PRKN: variants seen among roughly 807,000 people sequenced by gnomAD.
PRKN encodes parkin RBR E3 ubiquitin protein ligase, also known as E3 ubiquitin-protein ligase parkin.
In PRKN, 56 loss-of-function variants were observed where a neutral mutation model predicts 59.5. That is an observed-to-expected ratio of 0.94 (90% confidence interval 0.76 to 1.18). The LOEUF is 1.18. Among genes scored for constraint, PRKN ranks in the 50% most tolerant of loss-of-function variants. The pLI, the probability that PRKN is intolerant of heterozygous loss-of-function variation, is 0.00. For missense variants in PRKN, 657 were observed against 596.4 expected, an observed-to-expected ratio of 1.10 and a Z score of -1.06; for synonymous variants, 250 against 222.1, an observed-to-expected ratio of 1.13 and a Z score of -1.12.
rs1374513225 is a variant in PRKN, at chr6:162,521,707, A to G, written c.8-78234T>C. Among the ~76,000 whole-genome samples the G allele has an allele frequency of 2.6e-5, 4 of 152,076 alleles. No individual in the cohort carries two copies. In the East Asian group the frequency reaches 7.7e-4, roughly 29 times the overall value. ...CGTACATATATATAATGTATGTATT[A>G]TATGTATTTATAGTGTATATTTATA... On this transcript the variant is annotated intron_variant, in intron 1 of 11. Transcript: ENST00000366898.
intron 1 of PRKN, among the ~76,000 whole-genome samples, chr6:162,645,290 C>A (rs763641251): frequency 2.0e-4 from 30 of 152,046 alleles, no homozygotes; most frequent in Non-Finnish European, 3.4e-4. Context: ...ACTATTGCAG[C>A]CTCATTCATG....
intron 7 of PRKN, among the ~76,000 whole-genome samples, chr6:161,649,081 A>T (rs1784060415): frequency 1.3e-5 from 2 of 152,210 alleles, no homozygotes. Context: ...GTATCCTCAC[A>T]AAGCATTGCT....
intron 1 of PRKN, among the ~76,000 whole-genome samples, chr6:162,601,421 C>A (rs893248827): frequency 2.0e-5 from 3 of 151,802 alleles, no homozygotes; most frequent in African/African-American, 7.2e-5. Context: ...TTCTCTTACT[C>A]CGCATGATGA....
chr6:162,371,387 TTC>T (rs1277784310), intron 2 of PRKN, among the ~76,000 whole-genome samples: 1 of 152,152 alleles, frequency 6.6e-6, no homozygotes, highest in African/African-American at 2.4e-5. Flanking sequence ...GCTTTGCGAG[TTC>T]TGACTGCCAA....
Position 162,426,026 on chromosome 6 carries a change from G to A in PRKN, c.171+17284C>T, listed in dbSNP as rs536639432. Among the ~76,000 whole-genome samples, 20 of 152,286 alleles carry A rather than the reference G, an allele frequency of 1.3e-4. No homozygotes were observed. The South Asian group carries it at 4.1e-3, about 32-fold the overall frequency. ...AAGTAGACTCATAGCATACTTACCA[G>A]TAGCAAAGATAAAAGCTATACGCTA... On this transcript the variant is annotated intron_variant, in intron 2 of 11. Coordinates refer to ENST00000366898, the MANE Select transcript of PRKN (RefSeq NM_004562.3).
At chr6:162,372,210 G>C (rs1056275382) in intron 2 of PRKN, among the ~76,000 whole-genome samples, 3 of 152,224 alleles carry the variant, frequency 2.0e-5, no homozygotes, top group African/African-American at 7.2e-5. Context: ...TGCAGCCAGG[G>C]AACATCTTTG....
chr6:161,517,588 A>C (rs1458169986), intron 9 of PRKN, among the ~76,000 whole-genome samples: 1 of 151,848 alleles, frequency 6.6e-6, no homozygotes, highest in Non-Finnish European at 1.5e-5. Context: ...AAAATACAAA[A>C]AATTAGCCGG....
intron 9 of PRKN, among the ~76,000 whole-genome samples, chr6:161,406,926 T>G (rs1787304052): frequency 6.6e-6 from 1 of 152,190 alleles, no homozygotes; most frequent in Non-Finnish European, 1.5e-5. Context: ...GTCTCGGCAC[T>G]GCTGCTACGG....
chr6:162,024,194 C>CTTTTTTTTTTTT (rs111595639), intron 5 of PRKN, among the ~76,000 whole-genome samples: 1 of 82,060 alleles, frequency 1.2e-5, no homozygotes, highest in African/African-American at 5.0e-5. Flanking sequence ...TCCCCCAACC[C>CTTTTTTTTTTTT]TTTTTTTTTT....
intron 1 of PRKN, among the ~76,000 whole-genome samples, chr6:162,470,098 G>A (rs917107660): frequency 1.8e-4 from 28 of 152,110 alleles, no homozygotes; most frequent in Non-Finnish European, 2.9e-4. Flanking sequence ...CATCTCGTGA[G>A]GAAGTCAGCT....
chr6:161,692,672 A>AG (rs1785845864), intron 7 of PRKN, among the ~76,000 whole-genome samples: 3 of 152,242 alleles, frequency 2.0e-5, no homozygotes, highest in Admixed American at 6.5e-5. Context: ...TGGGAGGCTG[A>AG]GGGGGGCGGA....
chr6:161,966,711 G>A (rs1297452279), intron 6 of PRKN, among the ~76,000 whole-genome samples: 1 of 152,244 alleles, frequency 6.6e-6, no homozygotes, highest in African/African-American at 2.4e-5. Context: ...CTGTTGGTAA[G>A]GAGAGGAGAA....
intron 1 of PRKN, among the ~76,000 whole-genome samples, chr6:162,541,974 C>A (rs1372840752): frequency 1.3e-5 from 2 of 152,090 alleles, no homozygotes; most frequent in South Asian, 4.2e-4. Flanking sequence ...ATTCCTGTGC[C>A]CTTGGGTTGA....
intron 6 of PRKN, among the ~76,000 whole-genome samples, chr6:161,903,468 C>T (rs547071560): frequency 6.6e-6 from 1 of 152,272 alleles, no homozygotes; most frequent in African/African-American, 2.4e-5. Context: ...GAGGGTGGGA[C>T]CTTCGTTTCT....
At chr6:162,638,143 A>G (rs573229471) in intron 1 of PRKN, among the ~76,000 whole-genome samples, 2 of 152,276 alleles carry the variant, frequency 1.3e-5, no homozygotes, top group East Asian at 1.9e-4. Flanking sequence ...TAATTCCTCT[A>G]TGTAAGGAGT....
chr6:161,488,001 G>C lies in PRKN; in HGVS notation c.1083+60853C>G, dbSNP rs916886623. Among the ~76,000 whole-genome samples, 135 of 152,354 alleles carry C rather than the reference G, an allele frequency of 8.9e-4. 1 individual carries two copies. The highest frequency in any genetic ancestry group is 3.2e-4 in the Non-Finnish European group (22 of 68,044). ...CCCATGAAATGGGGTGGAGAGAGGGGAAAGGCAGAAAATAAGCAAGGCAAT... is the reference window on the plus strand; with the variant it reads ...CCCATGAAATGGGGTGGAGAGAGGGCAAAGGCAGAAAATAAGCAAGGCAAT... On this transcript the variant is annotated intron_variant, in intron 9 of 11. Transcript: ENST00000366898. The surrounding 1 kb of genome is among the most constrained non-coding windows in gnomAD (Gnocchi z 4.5).
intron 1 of PRKN, among the ~76,000 whole-genome samples, chr6:162,444,679 A>G (rs1482114561): frequency 6.6e-6 from 1 of 152,090 alleles, no homozygotes; most frequent in African/African-American, 2.4e-5. Flanking sequence ...CACCAGTGGC[A>G]TTTACTATAT....
At chr6:162,206,492 C>T (rs935926500) in intron 3 of PRKN, among the ~76,000 whole-genome samples, 12 of 152,162 alleles carry the variant, frequency 7.9e-5, no homozygotes, top group Non-Finnish European at 1.5e-5. Context: ...CAGCTCCTTC[C>T]CTCTTTCCTC....
At chr6:162,620,379 T>C (rs1319259425) in intron 1 of PRKN, among the ~76,000 whole-genome samples, 1 of 151,982 alleles carries the variant, frequency 6.6e-6, no homozygotes, top group East Asian at 2.0e-4. Context: ...ATCAAGAGAA[T>C]AATTTAGTCT....
Sources: allele counts gnomAD v4.1 joint callset (sites outside exome capture counted in the v4.1 genomes callset), GRCh38; gene constraint gnomAD v4.1.1; non-coding constraint Gnocchi (gnomAD v3.1); transcripts MANE v1.5; gene names NCBI Gene and HGNC (gene_info 2026-07-23, HGNC 2026-07-21).